The following CCSER1 variants were observed in gnomAD, a reference collection of about 807,000 sequenced individuals.
CCSER1 encodes coiled-coil serine rich protein 1.
In CCSER1, 41 loss-of-function variants were observed where a neutral mutation model predicts 82.0. The ratio of observed to expected loss-of-function variants is 0.50; its 90% CI spans 0.39 to 0.65. CCSER1 has a LOEUF of 0.65. Ranked by LOEUF, CCSER1 falls within the 30% of genes least tolerant of loss-of-function variation. CCSER1 has a pLI of 0.00. For synonymous variants in CCSER1, 414 were observed against 383.9 expected (o/e 1.08, Z -0.92); for missense variants, 1,119 against 1,064.2 (o/e 1.05, Z -0.72).
At chr4:90,494,717 A>G (rs1399894003) in intron 5 of CCSER1, among the ~76,000 whole-genome samples, 1 of 152,136 alleles carries the variant, frequency 6.6e-6, no homozygotes, top group East Asian at 1.9e-4. Flanking sequence ...ATTGAAGACT[A>G]CCTATTTTTT....
At chr4:90,787,925 A>G (rs1490232083) in intron 7 of CCSER1, among the ~76,000 whole-genome samples, 2 of 152,324 alleles carry the variant, frequency 1.3e-5, no homozygotes, top group Middle Eastern at 3.4e-3. Flanking sequence ...TATCTGAATG[A>G]TTAGATGAGT....
intron 10 of CCSER1, among the ~76,000 whole-genome samples, chr4:91,302,349 A>G (rs1393029663): frequency 6.6e-6 from 1 of 152,038 alleles, no homozygotes; most frequent in Non-Finnish European, 1.5e-5. Flanking sequence ...TGTTTTAAGC[A>G]GCAAATCTTG....
chr4:90,768,592 G>A (rs576067068), intron 7 of CCSER1, among the ~76,000 whole-genome samples: 10 of 152,126 alleles, frequency 6.6e-5, no homozygotes, highest in South Asian at 2.1e-4. Flanking sequence ...GTGCCTTGAC[G>A]GAGCTATTGT....
intron 8 of CCSER1, among the ~76,000 whole-genome samples, chr4:90,839,782 A>C (rs1006268760): frequency 2.6e-5 from 4 of 152,230 alleles, no homozygotes; most frequent in Non-Finnish European, 4.4e-5. Context: ...TTCTTCTCCC[A>C]TTCTTCTAAA....
rs1323733857 is a variant in CCSER1, at chr4:90,648,274, G to GAGAGAAAGAAAGGAAAGAAAGAA, written c.1932+20045_1932+20046insGAAAGAAAGGAAAGAAAGAAAGA. On this transcript the variant is annotated intron_variant, in intron 6 of 10. Coordinates refer to ENST00000509176, the MANE Select transcript of CCSER1 (RefSeq NM_001145065.2). ...GAAAAAAAGAAGAAAGAAAGAGAGA[G>GAGAGAAAGAAAGGAAAGAAAGAA]AGAAAGAAAGGAAAGAAAGAAAGAA... 4.7e-3 allele frequency among the ~76,000 whole-genome samples: 477 copies of GAGAGAAAGAAAGGAAAGAAAGAA among 100,550 alleles called. 25 individuals carry two copies. The highest frequency in any genetic ancestry group is 0.017 in the African/African-American group (454 of 26,846). The allele number at this position is 100,550 out of a possible 152,430, so 66.0% of individuals were successfully genotyped here.
intron 5 of CCSER1, among the ~76,000 whole-genome samples, chr4:90,597,725 A>C (rs911570308): frequency 6.6e-6 from 1 of 152,100 alleles, no homozygotes; most frequent in Non-Finnish European, 1.5e-5. Flanking sequence ...GTTATCAACT[A>C]TAGCCCTCAT....
At chr4:91,085,430 A>C (rs563481216) in intron 9 of CCSER1, among the ~76,000 whole-genome samples, 3 of 152,092 alleles carry the variant, frequency 2.0e-5, no homozygotes, top group Non-Finnish European at 2.9e-5. Context: ...CTTAAAGTGG[A>C]TCCTTCTTTT....
intron 7 of CCSER1, among the ~76,000 whole-genome samples, chr4:90,740,012 G>A (rs1174286131): frequency 6.6e-6 from 1 of 152,070 alleles, no homozygotes; most frequent in Non-Finnish European, 1.5e-5. Context: ...TGGTTGGGGG[G>A]AATGATTTCT....
chr4:90,258,223 A>T (rs1416857766), intron 1 of CCSER1, among the ~76,000 whole-genome samples: 1 of 152,160 alleles, frequency 6.6e-6, no homozygotes, highest in Non-Finnish European at 1.5e-5. Flanking sequence ...TACTCATTTA[A>T]AAAAATATCG....
intron 10 of CCSER1, among the ~76,000 whole-genome samples, chr4:91,547,989 C>A (rs760844745): frequency 6.6e-6 from 1 of 152,042 alleles, no homozygotes; most frequent in Non-Finnish European, 1.5e-5. Flanking sequence ...CACCATGTTG[C>A]CCAGGCTGGT....
At chr4:90,715,143 G>T (rs1294267073) in intron 6 of CCSER1, among the ~76,000 whole-genome samples, 1 of 151,960 alleles carries the variant, frequency 6.6e-6, no homozygotes, top group Non-Finnish European at 1.5e-5. Flanking sequence ...CAAAAGCAAA[G>T]AACTTTATAA....
At chr4:90,898,684 C>A (rs1724131331) in intron 8 of CCSER1, among the ~76,000 whole-genome samples, 2 of 151,970 alleles carry the variant, frequency 1.3e-5, no homozygotes, top group African/African-American at 4.8e-5. Context: ...GTTCTCTCAG[C>A]ACCATTTATT....
chr4:90,486,507 T>C (rs1767078800), intron 5 of CCSER1, among the ~76,000 whole-genome samples: 2 of 152,226 alleles, frequency 1.3e-5, no homozygotes, highest in Non-Finnish European at 2.9e-5. Context: ...TTTCTTGAAG[T>C]AAATGCTTTC....
intron 10 of CCSER1, among the ~76,000 whole-genome samples, chr4:91,258,385 C>G (rs1740855960): frequency 6.6e-6 from 1 of 151,922 alleles, no homozygotes; most frequent in African/African-American, 2.4e-5. Flanking sequence ...TACAGAACAC[C>G]CTCTTCCTGG....
intron 10 of CCSER1, among the ~76,000 whole-genome samples, chr4:91,165,073 C>A (rs375404185): frequency 1.4e-4 from 22 of 152,310 alleles, no homozygotes; most frequent in African/African-American, 5.1e-4. Flanking sequence ...GTGGTTTTAT[C>A]TACCTTTGGT....
intron 10 of CCSER1, among the ~76,000 whole-genome samples, chr4:91,474,460 T>A (rs1057130471): frequency 2.6e-5 from 4 of 151,654 alleles, no homozygotes; most frequent in Non-Finnish European, 5.9e-5. Context: ...AGTTGATAAA[T>A]CTTTTTAATT....
intron 5 of CCSER1, among the ~76,000 whole-genome samples, chr4:90,598,357 G>A (rs1783606243): frequency 6.6e-6 from 1 of 152,042 alleles, no homozygotes; most frequent in Admixed American, 6.6e-5. Context: ...CCATGTTGGT[G>A]TGCTGCACCC....
chr4:90,601,756 T>A (rs1272923203), intron 5 of CCSER1, among the ~76,000 whole-genome samples: 1 of 152,096 alleles, frequency 6.6e-6, no homozygotes, highest in Admixed American at 6.5e-5. Flanking sequence ...ATGCTGTATA[T>A]TATTTTAATT....
intron 10 of CCSER1, among the ~76,000 whole-genome samples, chr4:91,405,718 C>T (rs190848921): frequency 4.6e-5 from 7 of 152,284 alleles, no homozygotes; most frequent in South Asian, 2.1e-4. Flanking sequence ...TTGCTAAGAC[C>T]GTTGGAAAAG....
Sources: gnomAD v4.1 joint callset for allele counts (sites outside exome capture counted in the v4.1 genomes callset) on GRCh38, gnomAD v4.1.1 for gene constraint, MANE v1.5 for transcripts, NCBI Gene and HGNC (gene_info 2026-07-23, HGNC 2026-07-21) for gene names.